Variants in NECAB1 observed in about 807,000 individuals in gnomAD.
NECAB1 encodes N-terminal EF-hand calcium-binding protein 1.
In NECAB1, 29 loss-of-function variants were observed where a neutral mutation model predicts 57.5. The observed-to-expected ratio is 0.50, with a 90% CI of 0.38 to 0.69. The LOEUF is 0.69. Among genes scored for constraint, NECAB1 ranks in the 30% least tolerant of loss-of-function variants. The pLI is 0.00. For synonymous variants in NECAB1, 142 were observed against 147.7 expected (o/e 0.96, Z 0.28); for missense variants, 372 against 413.8 (o/e 0.90, Z 0.88).
intron 5 of NECAB1, among the ~76,000 whole-genome samples, chr8:90,905,962 C>T (rs1041860376): frequency 1.3e-5 from 2 of 152,178 alleles, no homozygotes; most frequent in African/African-American, 2.4e-5. Flanking sequence ...GTCTCTCACT[C>T]CTTTCTCCTG....
chr8:90,911,799 C>A (rs1586116523), intron 5 of NECAB1, among the ~76,000 whole-genome samples: 1 of 152,128 alleles, frequency 6.6e-6, no homozygotes, highest in South Asian at 2.1e-4. Context: ...AGCCAATGAT[C>A]TGTCCATTAC....
chr8:90,927,383 AG>A (rs1810300269), intron 7 of NECAB1, among the ~76,000 whole-genome samples: 1 of 152,010 alleles, frequency 6.6e-6, no homozygotes. Context: ...AGCTAACACA[AG>A]GCTTTATAGT....
rs141314955 is a variant in NECAB1 at position 90,822,535 on chromosome 8, A to G, written c.125-2182A>G. ...TTCTTTTTATATATTTTTTTCTAATAAGAGGATTTTTTTCTAAATAAAAGT... is the reference window on the plus strand; with the variant it reads ...TTCTTTTTATATATTTTTTTCTAATGAGAGGATTTTTTTCTAAATAAAAGT... On this transcript the variant is annotated intron_variant, in intron 2 of 12. Transcript: ENST00000417640. 1.3e-3 allele frequency among the ~76,000 whole-genome samples: 197 copies of G among 150,154 alleles called. 2 individuals are homozygous for G. The highest frequency in any genetic ancestry group is 4.4e-3 in the African/African-American group (175 of 39,812).
chr8:90,803,001 A>T lies in NECAB1; in HGVS notation c.124+1286A>T, dbSNP rs937913178. On this transcript the variant is annotated intron_variant, in intron 2 of 12. Transcript: ENST00000417640. ...AACCTCCGTCTCCTGGGTTCAAGCA[A>T]TTCTCCTGCCTCAGCCTCCCAAGTA... Among the ~76,000 whole-genome samples the T allele has an allele frequency of 5.9e-5, 9 of 151,944 alleles. 1 individual carries two copies. Among genetic ancestry groups the T allele is most frequent in the Admixed American group, 5.9e-4 (9 of 15,252 alleles).
chr8:90,901,695 C>T (rs114083913), intron 5 of NECAB1, among the ~76,000 whole-genome samples: 290 of 152,222 alleles, frequency 1.9e-3, no homozygotes, highest in African/African-American at 6.5e-3. Context: ...TTGTATAGTA[C>T]GACCATTTGA....
At chr8:90,897,487 T>A (rs1205100343) in intron 5 of NECAB1, among the ~76,000 whole-genome samples, 1 of 152,186 alleles carries the variant, frequency 6.6e-6, no homozygotes, top group East Asian at 1.9e-4. Context: ...TTGAAATGTA[T>A]CTGGCTCAAT....
chr8:90,943,940 C>T (rs73298077), intron 10 of NECAB1, among the ~76,000 whole-genome samples: 2,849 of 152,098 alleles, frequency 0.019, 99 homozygotes, highest in African/African-American at 0.065. Flanking sequence ...TTTTTACAGA[C>T]GGGGTTATGC....
chr8:90,911,338 G>A (rs1809824457), intron 5 of NECAB1, among the ~76,000 whole-genome samples: 1 of 152,118 alleles, frequency 6.6e-6, no homozygotes, highest in African/African-American at 2.4e-5. Flanking sequence ...TTCTATAGGA[G>A]GATATGGCTC....
At chr8:90,860,777 G>A (rs1390637451) in intron 3 of NECAB1, among the ~76,000 whole-genome samples, 1 of 152,174 alleles carries the variant, frequency 6.6e-6, no homozygotes, top group African/African-American at 2.4e-5. Flanking sequence ...TAGAACACAT[G>A]CAGGGCATTG....
chr8:90,915,045 A>T (rs929264317), intron 5 of NECAB1, among the ~76,000 whole-genome samples: 1 of 152,216 alleles, frequency 6.6e-6, no homozygotes, highest in African/African-American at 2.4e-5. Context: ...GGACAATGCT[A>T]TGCTTTATTG....
At chr8:90,801,633 C>G (rs539499476) in intron 1 of NECAB1, 58 bp from the exon 2 acceptor site, 6 of 1,028,590 alleles carry the variant, frequency 5.8e-6, no homozygotes, top group Non-Finnish European at 8.7e-6. Context: ...GTAAGTGTAA[C>G]GTTCGTTGCA....
chr8:90,950,871 C>T (rs994260168), intron 11 of NECAB1, among the ~76,000 whole-genome samples: 1 of 151,906 alleles, frequency 6.6e-6, no homozygotes, highest in African/African-American at 2.4e-5. Flanking sequence ...TACTTTTTAT[C>T]CTCTAAAAAA....
intron 9 of NECAB1, among the ~76,000 whole-genome samples, chr8:90,937,139 C>G (rs944929845): frequency 5.9e-5 from 9 of 152,088 alleles, no homozygotes; most frequent in Admixed American, 5.9e-4. Context: ...ACCTCAAATC[C>G]TCTCCTGGAA....
At chr8:90,799,598 G>A (rs1419202400) in intron 1 of NECAB1, among the ~76,000 whole-genome samples, 1 of 152,118 alleles carries the variant, frequency 6.6e-6, no homozygotes, top group Non-Finnish European at 1.5e-5. Flanking sequence ...TGTTGATTTT[G>A]TTGAAGATCA....
intron 5 of NECAB1, among the ~76,000 whole-genome samples, chr8:90,906,251 G>A (rs1809643498): frequency 6.6e-6 from 1 of 152,136 alleles, no homozygotes; most frequent in African/African-American, 2.4e-5. Context: ...TGCAGGTATA[G>A]GAGTTCGAAC....
chr8:90,850,926 G>T (rs1040346548), intron 3 of NECAB1, among the ~76,000 whole-genome samples: 1 of 152,102 alleles, frequency 6.6e-6, no homozygotes, highest in Admixed American at 6.5e-5. Context: ...GAAGGATGGG[G>T]GCTGGTTTGC....
chr8:90,871,150 G>T (rs191355726), intron 3 of NECAB1, among the ~76,000 whole-genome samples: 334 of 152,206 alleles, frequency 2.2e-3, no homozygotes, highest in African/African-American at 7.8e-3. Context: ...ATTGACATGT[G>T]ACAACTATAT....
intron 1 of NECAB1, among the ~76,000 whole-genome samples, 190 bp downstream of exon 1, chr8:90,792,175 T>C (rs1225789767): frequency 6.6e-6 from 1 of 152,252 alleles, no homozygotes; most frequent in African/African-American, 2.4e-5. Context: ...GACCTGCAGC[T>C]TGTGGCTTAA....
At position 90,797,055 on chromosome 8, in the gene NECAB1, C is replaced by T. The variant is rs543467695; in HGVS notation, c.100-4636C>T. Among the ~76,000 whole-genome samples the T allele has an allele frequency of 5.9e-5, 9 of 152,264 alleles. No homozygotes were observed. The East Asian group carries it at 7.7e-4, about 13-fold the overall frequency. On this transcript the variant is annotated intron_variant, in intron 1 of 12. Transcript: ENST00000417640. Reference sequence around the variant, plus strand: ...TGAACCAAAAGTAAGAAATAGGATGCGTTTCATGTCTCCCTGACTCTCAGC... The same window carrying T: ...TGAACCAAAAGTAAGAAATAGGATGTGTTTCATGTCTCCCTGACTCTCAGC...
Sources: gnomAD v4.1 joint callset for allele counts (sites outside exome capture counted in the v4.1 genomes callset) on GRCh38, gnomAD v4.1.1 for gene constraint, MANE v1.5 for transcripts, NCBI Gene and HGNC (gene_info 2026-07-23, HGNC 2026-07-21) for gene names.